CALN1: variants seen among roughly 807,000 people sequenced by gnomAD.
The protein encoded by CALN1 is calcium-binding protein 8.
In CALN1, 17 loss-of-function variants were observed where a neutral mutation model predicts 30.6. The observed-to-expected ratio is 0.56, with a 90% CI of 0.38 to 0.83. The LOEUF is 0.83. Among genes scored for constraint, CALN1 ranks in the 40% least tolerant of loss-of-function variants. CALN1 has a pLI of 0.00. For missense variants in CALN1, 291 were observed against 354.9 expected, an observed-to-expected ratio of 0.82 and a Z score of 1.45; for synonymous variants, 156 against 131.4, an observed-to-expected ratio of 1.19 and a Z score of -1.28.
chr7:72,104,437 G>A (rs918220556), intron 4 of CALN1, among the ~76,000 whole-genome samples: 7 of 152,138 alleles, frequency 4.6e-5, no homozygotes, highest in Non-Finnish European at 7.3e-5. Flanking sequence ...TGTGCAGGAT[G>A]TGCAGGTTTG....
At chr7:72,269,505 GAGAAC>G (rs1442990347) in intron 3 of CALN1, among the ~76,000 whole-genome samples, 3 of 152,124 alleles carry the variant, frequency 2.0e-5, no homozygotes, top group Admixed American at 6.6e-5. Flanking sequence ...CTATGAGGTT[GAGAAC>G]AGAAAACAAA....
chr7:72,158,093 C>T (rs1202739316), intron 3 of CALN1, among the ~76,000 whole-genome samples: 1 of 152,158 alleles, frequency 6.6e-6, no homozygotes, highest in Non-Finnish European at 1.5e-5. Context: ...TTATATTTCA[C>T]TCATTCAGCC....
At chr7:72,183,072 CTGTT>C (rs745740501) in intron 3 of CALN1, among the ~76,000 whole-genome samples, 5 of 152,000 alleles carry the variant, frequency 3.3e-5, no homozygotes, top group Non-Finnish European at 7.4e-5. Context: ...TGTTGTTTGT[CTGTT>C]TGTTTCAGAC....
At chr7:72,319,304 T>C (rs1800710856) in intron 2 of CALN1, among the ~76,000 whole-genome samples, 1 of 152,138 alleles carries the variant, frequency 6.6e-6, no homozygotes, top group Admixed American at 6.5e-5. Flanking sequence ...CTCACAATCA[T>C]GGCTGAGGGC....
intron 3 of CALN1, among the ~76,000 whole-genome samples, chr7:72,225,056 C>G (rs1793574881): frequency 6.6e-6 from 1 of 151,306 alleles, no homozygotes. Flanking sequence ...GAGCAGAGAT[C>G]ACGCCACTGC....
chr7:72,436,950 G>A (rs759912391), intron 1 of CALN1, among the ~76,000 whole-genome samples: 17 of 152,152 alleles, frequency 1.1e-4, no homozygotes, highest in South Asian at 8.3e-4. Context: ...CACACCTGTA[G>A]TCCCAGCTGC....
chr7:71,918,817 T>C (rs1311438364), intron 5 of CALN1, among the ~76,000 whole-genome samples: 2 of 152,200 alleles, frequency 1.3e-5, no homozygotes, highest in Non-Finnish European at 2.9e-5. Context: ...CTTAAAGCCA[T>C]GTTCAAGTCT....
At chr7:71,829,485 A>G (rs1297842938) in intron 5 of CALN1, among the ~76,000 whole-genome samples, 1 of 152,212 alleles carries the variant, frequency 6.6e-6, no homozygotes. Flanking sequence ...TTGTTATAAG[A>G]GCAACAGGGA....
intron 4 of CALN1, among the ~76,000 whole-genome samples, chr7:72,087,603 A>T (rs1468786579): frequency 6.6e-6 from 1 of 152,242 alleles, no homozygotes; most frequent in Non-Finnish European, 1.5e-5. Flanking sequence ...GAGAGGAGAA[A>T]GCATTGTTAC....
intron 3 of CALN1, among the ~76,000 whole-genome samples, chr7:72,155,857 C>T (rs1199053230): frequency 6.6e-6 from 1 of 152,128 alleles, no homozygotes; most frequent in East Asian, 1.9e-4. Flanking sequence ...TAATCCATTC[C>T]TTGCCTCTTC....
intron 5 of CALN1, among the ~76,000 whole-genome samples, chr7:71,931,756 G>A (rs996514634): frequency 2.0e-5 from 3 of 152,176 alleles, no homozygotes; most frequent in African/African-American, 7.2e-5. Flanking sequence ...CTTTGAGGAG[G>A]GTGATGATGG....
In CALN1 at chr7:72,411,893, TAG is replaced by T. The variant is rs1216970362; in HGVS notation, c.-74+163_-74+164del. Among the ~76,000 whole-genome samples, 8 of 152,306 alleles carry T rather than the reference TAG, an allele frequency of 5.3e-5. No individual in the cohort carries two copies. The East Asian group carries it at 5.8e-4, about 11-fold the overall frequency. On this transcript the variant is annotated intron_variant, in intron 1 of 6. Coordinates refer to ENST00000395275, the MANE Select transcript of CALN1 (RefSeq NM_031468.4). ...AATAGTTGATGAAGCAACTCTCTTT[TAG>T]AGAGGTATCATAAACCGATAAAGAA...
At chr7:71,796,022 T>G (rs1224814563) in intron 6 of CALN1, among the ~76,000 whole-genome samples, 4 of 151,632 alleles carry the variant, frequency 2.6e-5, no homozygotes, top group Admixed American at 6.6e-5. Context: ...AGATGAGATT[T>G]CACTGTGTTA....
chr7:72,449,273 G>C (rs1043947477), upstream of CALN1, among the ~76,000 whole-genome samples: 1 of 152,190 alleles, frequency 6.6e-6, no homozygotes, highest in Non-Finnish European at 1.5e-5. Context: ...TGCGGACGGC[G>C]CACTGCAGAG....
At chr7:71,930,395 C>G (rs947209561) in intron 5 of CALN1, among the ~76,000 whole-genome samples, 2 of 151,944 alleles carry the variant, frequency 1.3e-5, no homozygotes, top group African/African-American at 2.4e-5. Flanking sequence ...TTTTTTAGAT[C>G]GTTTGTCCAT....
intron 2 of CALN1, among the ~76,000 whole-genome samples, chr7:72,344,553 AATATAT>A (rs560975780): frequency 6.8e-6 from 1 of 147,068 alleles, no homozygotes; most frequent in East Asian, 1.9e-4. Context: ...TGAGGGGATA[AATATAT>A]ATATATATTT....
intron 4 of CALN1, among the ~76,000 whole-genome samples, chr7:72,063,487 A>G (rs879671849): frequency 3.9e-5 from 6 of 152,348 alleles, no homozygotes; most frequent in East Asian, 1.9e-4. Flanking sequence ...AGAAGCCAAG[A>G]GAACTGCAGA....
chr7:72,005,754 A>G (rs1397465567), intron 5 of CALN1, among the ~76,000 whole-genome samples: 1 of 151,870 alleles, frequency 6.6e-6, no homozygotes, highest in African/African-American at 2.4e-5. Context: ...GCAATGGCAA[A>G]ATTTTAGACT....
intron 3 of CALN1, among the ~76,000 whole-genome samples, chr7:72,272,059 CAAA>C (rs36004477): frequency 2.5e-5 from 3 of 120,896 alleles, no homozygotes; most frequent in Admixed American, 8.8e-5. Flanking sequence ...AAGATTCTGT[CAAA>C]AAAAAAAAAA....
Sources: gnomAD v4.1 joint callset for allele counts (sites outside exome capture counted in the v4.1 genomes callset) on GRCh38, gnomAD v4.1.1 for gene constraint, MANE v1.5 for transcripts, NCBI Gene and HGNC (gene_info 2026-07-23, HGNC 2026-07-21) for gene names.